ANO10: variants seen among roughly 807,000 people sequenced by gnomAD.
ANO10 encodes the protein anoctamin 10.
A neutral mutation model predicts 74.7 loss-of-function variants in ANO10; 77 were observed. That is an observed-to-expected ratio of 1.03 (90% CI 0.86 to 1.25). The LOEUF (loss-of-function observed/expected upper bound fraction) is 1.25. Ranked by LOEUF, ANO10 falls within the 50% of genes most tolerant of loss-of-function variation. The pLI is 0.00. For synonymous variants in ANO10, 279 were observed against 284.9 expected, an observed-to-expected ratio of 0.98 and a Z score of 0.21; for missense variants, 721 against 778.1, an observed-to-expected ratio of 0.93 and a Z score of 0.87.
chr3:43,582,450 A>C (rs959637645), intron 4 of ANO10, among the ~76,000 whole-genome samples: 27 of 152,204 alleles, frequency 1.8e-4, no homozygotes, highest in African/African-American at 6.5e-4. Flanking sequence ...CCGTCTCAAA[A>C]AAAAAAAGAA....
At chr3:43,532,958 A>G (rs61659388) in intron 11 of ANO10, among the ~76,000 whole-genome samples, 2,563 of 152,248 alleles carry the variant, frequency 0.017, 65 homozygotes, top group African/African-American at 0.057. Context: ...AACGTTCTCT[A>G]TACTCTCTGT....
At chr3:43,677,736 C>T (rs1178736822) in intron 1 of ANO10, among the ~76,000 whole-genome samples, 1 of 152,196 alleles carries the variant, frequency 6.6e-6, no homozygotes, top group African/African-American at 2.4e-5. Flanking sequence ...TTTCTCTCTC[C>T]ACATGGCTAG....
chr3:43,510,458 CA>C (rs1261706987), intron 11 of ANO10, among the ~76,000 whole-genome samples: 1 of 145,158 alleles, frequency 6.9e-6, no homozygotes, highest in Non-Finnish European at 1.5e-5. Flanking sequence ...GAACTAAACA[CA>C]AATACACACA....
At chr3:43,655,031 A>G (rs921090095) in intron 1 of ANO10, among the ~76,000 whole-genome samples, 1 of 152,380 alleles carries the variant, frequency 6.6e-6, no homozygotes, top group South Asian at 2.1e-4. Context: ...AAGCACAGGG[A>G]TCACAGACTC....
chr3:43,407,591 TCACTTTTTAGTG>T (rs2092598647), intron 12 of ANO10, among the ~76,000 whole-genome samples: 1 of 152,132 alleles, frequency 6.6e-6, no homozygotes, highest in Non-Finnish European at 1.5e-5. Flanking sequence ...GAGAATGATG[TCACTTTTTAGTG>T]CACACCCACC....
At chr3:43,638,239 T>G (rs1448196313) in intron 1 of ANO10, among the ~76,000 whole-genome samples, 1 of 152,218 alleles carries the variant, frequency 6.6e-6, no homozygotes, top group African/African-American at 2.4e-5. Flanking sequence ...GATGAATAAT[T>G]TTCACAAGTA....
At chr3:43,372,242 G>A (rs912726358) in intron 12 of ANO10, among the ~76,000 whole-genome samples, 1 of 152,040 alleles carries the variant, frequency 6.6e-6, no homozygotes, top group East Asian at 1.9e-4. Context: ...CCATCTCTGC[G>A]GATGCCTGCT....
chr3:43,372,935 A>G (rs1426822223), intron 12 of ANO10: 1 of 1,304,380 alleles, frequency 7.7e-7, no homozygotes, highest in Non-Finnish European at 1.1e-6. Flanking sequence ...TTTCATGCGT[A>G]TGAAAGAGAA....
intron 12 of ANO10, among the ~76,000 whole-genome samples, chr3:43,415,707 A>G (rs4682686): frequency 6.6e-6 from 1 of 151,820 alleles, no homozygotes; most frequent in South Asian, 2.1e-4. Flanking sequence ...ACGTCTGGCT[A>G]ATTTTTGAAT....
intron 11 of ANO10, among the ~76,000 whole-genome samples, chr3:43,510,183 T>C (rs369911502): frequency 9.2e-5 from 14 of 152,144 alleles, no homozygotes; most frequent in East Asian, 7.7e-4. Flanking sequence ...CCTGTAATCC[T>C]AGCACTGTCG....
intron 1 of ANO10, among the ~76,000 whole-genome samples, chr3:43,669,862 AC>A (rs2084035938): frequency 6.6e-6 from 1 of 151,762 alleles, no homozygotes; most frequent in Non-Finnish European, 1.5e-5. Flanking sequence ...AGTAGCTGGG[AC>A]TACAGGTGCC....
intron 11 of ANO10, among the ~76,000 whole-genome samples, chr3:43,499,702 C>T (rs535889452): frequency 8.0e-4 from 122 of 151,742 alleles, no homozygotes; most frequent in Non-Finnish European, 1.5e-3. Flanking sequence ...AGAAAGTGTT[C>T]TTATTACCTA....
At chr3:43,395,422 G>A (rs749266032) in intron 12 of ANO10, among the ~76,000 whole-genome samples, 5 of 152,090 alleles carry the variant, frequency 3.3e-5, no homozygotes, top group Non-Finnish European at 5.9e-5. Context: ...TTTTCTGGAA[G>A]ATTTAGAATT....
upstream of ANO10, among the ~76,000 whole-genome samples, chr3:43,626,621 T>C (rs553764569): frequency 2.6e-5 from 4 of 152,276 alleles, no homozygotes; most frequent in African/African-American, 4.8e-5. Context: ...CTTTTAAAAT[T>C]TGACCAATCA....
rs1187718660 is a variant in ANO10 at position 43,538,319 on chromosome 3, GA to G, written c.1797+11400del. Among the ~76,000 whole-genome samples, 6 of 151,854 alleles carry G rather than the reference GA, an allele frequency of 4.0e-5. No individual in the cohort carries two copies. In the East Asian group the frequency reaches 5.8e-4, roughly 15 times the overall value. ...ATTTAAGAACAGCATTTTAACTGAG[GA>G]AAAAAAATAAGAAAAGAGGTATCAA... On this transcript the variant is annotated intron_variant, in intron 11 of 12. Coordinates refer to ENST00000292246, the MANE Select transcript of ANO10 (RefSeq NM_018075.5).
intron 11 of ANO10, among the ~76,000 whole-genome samples, chr3:43,545,081 T>A (rs979791336): frequency 3.3e-5 from 5 of 152,106 alleles, no homozygotes; most frequent in African/African-American, 4.8e-5. Flanking sequence ...CGTTAAAAAT[T>A]TATGAGAATT....
chr3:43,613,060 C>A (rs1216597595), intron 1 of ANO10, among the ~76,000 whole-genome samples: 1 of 151,832 alleles, frequency 6.6e-6, no homozygotes, highest in African/African-American at 2.4e-5. Context: ...CCCAGCTACT[C>A]GGGAGGCTGA....
intron 1 of ANO10, among the ~76,000 whole-genome samples, chr3:43,635,127 G>A (rs1259959893): frequency 6.6e-6 from 1 of 152,172 alleles, no homozygotes; most frequent in Non-Finnish European, 1.5e-5. Context: ...TGCCAGTTAT[G>A]TCTTTCTTGG....
chr3:43,462,782 C>T (rs569295684), intron 11 of ANO10, among the ~76,000 whole-genome samples: 38 of 152,290 alleles, frequency 2.5e-4, no homozygotes, highest in Admixed American at 1.2e-3. Context: ...GTTTTGTGGG[C>T]CAGGCCCAGG....
Sources: gnomAD v4.1 joint callset for allele counts (sites outside exome capture counted in the v4.1 genomes callset) on GRCh38, gnomAD v4.1.1 for gene constraint, MANE v1.5 for transcripts, NCBI Gene and HGNC (gene_info 2026-07-23, HGNC 2026-07-21) for gene names.